Variants in CNTNAP4 observed in about 807,000 individuals in gnomAD.
The protein encoded by CNTNAP4 is contactin associated protein family member 4, also known as contactin-associated protein-like 4.
Under a neutral mutation model 148.4 loss-of-function variants are expected in CNTNAP4, and 98 were observed. That is an observed-to-expected ratio of 0.66 (90% CI 0.56 to 0.78). CNTNAP4 has a LOEUF of 0.78. Ranked by LOEUF, CNTNAP4 falls within the 30% of genes least tolerant of loss-of-function variation. CNTNAP4 has a pLI of 0.00. For missense variants in CNTNAP4, 1,935 were observed against 1,565.6 expected (o/e 1.24, Z -3.98); for synonymous variants, 730 against 565.1 (o/e 1.29, Z -4.14).
At chr16:76,461,564 AT>A (rs2080963485) in intron 8 of CNTNAP4, among the ~76,000 whole-genome samples, 1 of 152,192 alleles carries the variant, frequency 6.6e-6, no homozygotes, top group Admixed American at 6.5e-5. Flanking sequence ...TAAATACTCT[AT>A]TATCCTACCA....
At chr16:76,417,054 G>A (rs927892331) in intron 3 of CNTNAP4, among the ~76,000 whole-genome samples, 4 of 151,202 alleles carry the variant, frequency 2.6e-5, no homozygotes, top group Admixed American at 6.6e-5. Flanking sequence ...TAGTGTTAAC[G>A]TGTGATATAT....
chr16:76,456,499 C>G (rs548476231), intron 8 of CNTNAP4, among the ~76,000 whole-genome samples: 5 of 152,254 alleles, frequency 3.3e-5, no homozygotes, highest in African/African-American at 1.2e-4. Context: ...GTACAATAGC[C>G]TTGCTTCTGT....
chr16:76,496,234 C>T (rs943277331), intron 14 of CNTNAP4, among the ~76,000 whole-genome samples: 2 of 151,836 alleles, frequency 1.3e-5, no homozygotes, highest in Admixed American at 1.3e-4. Flanking sequence ...CTTTTCTTAT[C>T]ACTACTTTCA....
At chr16:76,553,978 T>C (rs1368072389) in intron 23 of CNTNAP4, 71 bp downstream of exon 23, 1 of 1,001,690 alleles carries the variant, frequency 1.0e-6, no homozygotes, top group Non-Finnish European at 1.5e-6. Flanking sequence ...TTTAGCATTG[T>C]AGAAACTGTG....
chr16:76,500,546 A>C (rs12925823), intron 15 of CNTNAP4, among the ~76,000 whole-genome samples: 127,296 of 151,822 alleles, frequency 0.84, 54,250 homozygotes, highest in East Asian at 0.97. Flanking sequence ...TGAAATTAGA[A>C]TGTCAATGGA....
At chr16:76,515,470 A>AAGGTCACAGG (rs1257683305) in intron 15 of CNTNAP4, among the ~76,000 whole-genome samples, 1 of 152,194 alleles carries the variant, frequency 6.6e-6, no homozygotes, top group Non-Finnish European at 1.5e-5. Context: ...AAGACCATGT[A>AAGGTCACAGG]AGGTCACAGG....
chr16:76,393,437 A>G (rs1392401946), intron 3 of CNTNAP4, among the ~76,000 whole-genome samples: 1 of 152,220 alleles, frequency 6.6e-6, no homozygotes, highest in East Asian at 1.9e-4. Context: ...TGGAATTTAT[A>G]TATTCATTCA....
At position 76,417,833 on chromosome 16, in the gene CNTNAP4, T is replaced by A. The variant is rs143505453; in HGVS notation, c.391-9619T>A. On this transcript the variant is annotated intron_variant, in intron 3 of 23. Coordinates refer to ENST00000611870, the MANE Select transcript of CNTNAP4 (RefSeq NM_033401.5). ...TTTTGTTTGCCTGAGAGTCTTTATT[T>A]CTCCTTCACTTTGGAAGGATAATTT... Among the ~76,000 whole-genome samples, 91 of 151,822 alleles carry A rather than the reference T, an allele frequency of 6.0e-4. 2 individuals are homozygous for A. The East Asian group carries it at 0.016, about 28-fold the overall frequency.
chr16:76,521,427 C>T (rs1372882256), intron 16 of CNTNAP4, 117 bp downstream of exon 16: 4 of 792,768 alleles, frequency 5.0e-6, no homozygotes, highest in Non-Finnish European at 7.5e-6. Flanking sequence ...TCATTGCGCC[C>T]CTTTGAAAAA....
chr16:76,381,821 G>A (rs1297888771), intron 3 of CNTNAP4, among the ~76,000 whole-genome samples: 1 of 152,116 alleles, frequency 6.6e-6, no homozygotes, highest in Non-Finnish European at 1.5e-5. Flanking sequence ...AGGACTTTGG[G>A]AGGCCAAGGT....
intron 12 of CNTNAP4, among the ~76,000 whole-genome samples, chr16:76,480,167 G>A (rs991708321): frequency 1.3e-5 from 2 of 151,074 alleles, no homozygotes; most frequent in African/African-American, 2.4e-5. Flanking sequence ...AAATATTGGG[G>A]AAAAAAAAGA....
intron 7 of CNTNAP4, 72 bp downstream of exon 7, chr16:76,449,930 T>TAA: frequency 7.3e-7 from 1 of 1,364,218 alleles, no homozygotes; most frequent in Middle Eastern, 1.8e-4. Flanking sequence ...TCCTCCATTT[T>TAA]AGGTTCCCAT....
intron 15 of CNTNAP4, among the ~76,000 whole-genome samples, chr16:76,516,090 CTT>C (rs1373496592): frequency 6.9e-6 from 1 of 144,960 alleles, no homozygotes; most frequent in African/African-American, 2.5e-5. Context: ...TGTCCCTCCC[CTT>C]GCCCCCCACC....
chr16:76,449,883 T>A, intron 7 of CNTNAP4, 25 bp downstream of exon 7: 1 of 1,567,766 alleles, frequency 6.4e-7, no homozygotes, highest in East Asian at 2.3e-5. Context: ...GCGAAGACAT[T>A]AGTAAAACTA....
chr16:76,309,501 A>T (rs578172078), intron 1 of CNTNAP4, among the ~76,000 whole-genome samples: 1 of 152,298 alleles, frequency 6.6e-6, no homozygotes, highest in Admixed American at 6.5e-5. Flanking sequence ...CTATGGGATT[A>T]GTTAGAGGTA....
chr16:76,343,911 C>A (rs929085546), intron 2 of CNTNAP4, among the ~76,000 whole-genome samples: 8 of 152,160 alleles, frequency 5.3e-5, no homozygotes, highest in African/African-American at 1.9e-4. Flanking sequence ...TTCATAAAAT[C>A]ATGACCCTTG....
At chr16:76,363,366 T>G (rs1339097462) in intron 3 of CNTNAP4, among the ~76,000 whole-genome samples, 1 of 152,016 alleles carries the variant, frequency 6.6e-6, no homozygotes, top group Non-Finnish European at 1.5e-5. Context: ...TTCACCATGT[T>G]AGCCAGGCTG....
At chr16:76,542,823 A>G (rs2084522601) in intron 21 of CNTNAP4, among the ~76,000 whole-genome samples, 1 of 152,190 alleles carries the variant, frequency 6.6e-6, no homozygotes, top group African/African-American at 2.4e-5. Context: ...ACCATTAATG[A>G]GTGGAATTAT....
At chr16:76,363,706 G>C (rs2013726677) in intron 3 of CNTNAP4, among the ~76,000 whole-genome samples, 1 of 152,140 alleles carries the variant, frequency 6.6e-6, no homozygotes, top group Non-Finnish European at 1.5e-5. Context: ...GCATCCTAAA[G>C]AATGAGAGAA....
Sources: allele counts gnomAD v4.1 joint callset (sites outside exome capture counted in the v4.1 genomes callset), GRCh38; gene constraint gnomAD v4.1.1; transcripts MANE v1.5; gene names NCBI Gene and HGNC (gene_info 2026-07-23, HGNC 2026-07-21).